The following DOCK1 variants were observed in gnomAD, a reference collection of about 807,000 sequenced individuals.
DOCK1 encodes the protein dedicator of cytokinesis protein 1.
Under a neutral mutation model 262.7 loss-of-function variants are expected in DOCK1, and 138 were observed. That is an observed-to-expected ratio of 0.53 (90% CI 0.46 to 0.61). The LOEUF is 0.61. DOCK1 is among the 20% of genes least tolerant of loss of function. The pLI, the probability that DOCK1 is intolerant of heterozygous loss-of-function variation, is 0.00. For missense variants in DOCK1, 1,908 were observed against 2,370.7 expected (o/e 0.80, Z 4.05); for synonymous variants, 866 against 867.4 (o/e 1.00, Z 0.03).
intron 27 of DOCK1, among the ~76,000 whole-genome samples, chr10:127,141,871 A>G (rs1170071454): frequency 3.9e-5 from 6 of 152,156 alleles, no homozygotes; most frequent in African/African-American, 1.2e-4. Flanking sequence ...GCCTGGTTCT[A>G]TTCTATCAGA....
At chr10:127,331,427 G>A (rs755240191) in intron 29 of DOCK1, among the ~76,000 whole-genome samples, 6 of 152,194 alleles carry the variant, frequency 3.9e-5, no homozygotes, top group South Asian at 4.2e-4. Context: ...GATTACAGAC[G>A]CCTGCCACCA....
At chr10:127,377,579 A>G (rs966852536) in intron 35 of DOCK1, among the ~76,000 whole-genome samples, 8 of 152,162 alleles carry the variant, frequency 5.3e-5, no homozygotes, top group East Asian at 1.9e-4. Context: ...AGGCTCCTTC[A>G]TGTCCTATTT....
Position 127,290,279 on chromosome 10 carries a change from G to A in DOCK1, c.3044+32850G>A, listed in dbSNP as rs193288429. 7.9e-5 allele frequency among the ~76,000 whole-genome samples: 12 copies of A among 152,144 alleles called. No individual in the cohort carries two copies. In the East Asian group the frequency reaches 1.9e-3, roughly 25 times the overall value. On this transcript the variant is annotated intron_variant, in intron 29 of 51. Transcript: ENST00000623213. ...CGATGATGTTATCTTACTCCAGATA[G>A]TGTTTATTTTTTTCCATAATTTCCT...
chr10:126,948,116 A>T (rs1313229263), intron 1 of DOCK1, among the ~76,000 whole-genome samples: 141 of 21,896 alleles, frequency 6.4e-3, no homozygotes, highest in East Asian at 0.024. Flanking sequence ...GTTGGTGGTG[A>T]TGGTGGTGGT....
At chr10:127,354,123 G>A (rs958542893) in intron 31 of DOCK1, among the ~76,000 whole-genome samples, 11 of 152,162 alleles carry the variant, frequency 7.2e-5, no homozygotes, top group East Asian at 5.8e-4. Flanking sequence ...TGCACCCATC[G>A]AGAGGAAAAT....
intron 29 of DOCK1, among the ~76,000 whole-genome samples, chr10:127,287,033 G>A (rs1259271585): frequency 6.6e-6 from 1 of 151,608 alleles, no homozygotes; most frequent in Non-Finnish European, 1.5e-5. Flanking sequence ...TCAGCCTCCT[G>A]AGTGGCTGGG....
rs2135076601 is a variant in DOCK1, at chr10:126,995,441, C to T, written c.474-1307C>T. ...ATCACTCACGGTCAGGAGCTGGAGA[C>T]CAGCCGGGCCAACCCGGTGAAACCC... On this transcript the variant is annotated intron_variant, in intron 6 of 51. Transcript: ENST00000623213. The surrounding 1 kb of genome is among the most constrained non-coding windows in gnomAD (Gnocchi z 5.8). Among the ~76,000 whole-genome samples, 1 of 152,314 alleles carries T rather than the reference C, an allele frequency of 6.6e-6. No homozygotes were observed. Among genetic ancestry groups the T allele is most frequent in the East Asian group, 1.9e-4 (1 of 5,164 alleles).
chr10:127,134,412 C>T (rs2050520808), intron 27 of DOCK1, among the ~76,000 whole-genome samples: 1 of 152,196 alleles, frequency 6.6e-6, no homozygotes, highest in Non-Finnish European at 1.5e-5. Flanking sequence ...ATGCTGCCAA[C>T]TGCCTAAGTT....
Position 127,125,420 on chromosome 10 carries a change from C to T in DOCK1, c.2624-54C>T, listed in dbSNP as rs113697837. On this transcript the variant is annotated intron_variant, in intron 25 of 51. Transcript: ENST00000623213. The stretch of plus-strand genomic sequence containing the variant: ...AGGGCAGACAAGCTTATAGCAAACA[C>T]GAGTTGCGTCTTGGTGGGTTTCACA... 8.0e-5 allele frequency: 128 copies of T among 1,604,222 alleles called. 4 individuals carry two copies. Among genetic ancestry groups the T allele is most frequent in the African/African-American group, 2.9e-4 (22 of 74,640 alleles).
At chr10:127,070,269 T>TG (rs1300381387) in intron 23 of DOCK1, among the ~76,000 whole-genome samples, 177 of 147,288 alleles carry the variant, frequency 1.2e-3, no homozygotes, top group Middle Eastern at 3.4e-3. Context: ...TTTTTTTTTT[T>TG]TTGAGATGGA....
rs2048186073 is a variant in DOCK1, at chr10:127,100,620, G to A, written c.2446-5611G>A. Among the ~76,000 whole-genome samples the A allele has an allele frequency of 6.6e-6, 1 of 152,102 alleles. No individual in the cohort carries two copies. Among genetic ancestry groups the A allele is most frequent in the Admixed American group, 6.5e-5 (1 of 15,274 alleles). ...TGAGGTCCCTTGTGGGATATGTGGA[G>A]GGACCCCGAGGAACCCACAGGCAAG... is the stretch of plus-strand genomic sequence containing the variant. On this transcript the variant is annotated intron_variant, in intron 23 of 51. Coordinates refer to ENST00000623213, the MANE Select transcript of DOCK1 (RefSeq NM_001290223.2). This position sits in a 1 kb window ranked among gnomAD's most constrained non-coding sequence, Gnocchi z 5.5.
At chr10:126,992,124 T>A (rs1254923194) in intron 6 of DOCK1, among the ~76,000 whole-genome samples, 1 of 152,016 alleles carries the variant, frequency 6.6e-6, no homozygotes. Context: ...TAGGAGAGAT[T>A]TTTATTTTTT....
chr10:127,279,610 A>G (rs2060869902), intron 29 of DOCK1, among the ~76,000 whole-genome samples: 1 of 152,208 alleles, frequency 6.6e-6, no homozygotes, highest in Non-Finnish European at 1.5e-5. Context: ...AAATTCAAAT[A>G]AAGAAACATG....
chr10:127,324,173 C>T (rs1163727637), intron 29 of DOCK1, among the ~76,000 whole-genome samples: 2 of 152,204 alleles, frequency 1.3e-5, no homozygotes, highest in Non-Finnish European at 2.9e-5. Context: ...CTTCTGATGT[C>T]TTCCACCCTG....
intron 46 of DOCK1, among the ~76,000 whole-genome samples, chr10:127,422,332 A>G (rs903750040): frequency 1.3e-5 from 2 of 151,246 alleles, no homozygotes; most frequent in East Asian, 3.9e-4. Context: ...ACACCTGGCT[A>G]ATTTTTGTAT....
At chr10:127,361,170 C>T (rs564861316) in intron 32 of DOCK1, among the ~76,000 whole-genome samples, 5 of 134,348 alleles carry the variant, frequency 3.7e-5, no homozygotes, top group African/African-American at 1.4e-4. Context: ...CTGGAGTGCA[C>T]TGGCGTGATC....
intron 23 of DOCK1, among the ~76,000 whole-genome samples, chr10:127,064,604 C>A (rs1474085548): frequency 6.6e-6 from 1 of 152,212 alleles, no homozygotes; most frequent in Non-Finnish European, 1.5e-5. Flanking sequence ...CCTGCCTTCA[C>A]TCCCCTTCCC....
intron 6 of DOCK1, among the ~76,000 whole-genome samples, chr10:126,994,468 C>T (rs1182413969): frequency 2.0e-5 from 3 of 152,126 alleles, no homozygotes; most frequent in African/African-American, 2.4e-5. Flanking sequence ...GACCCTGCGG[C>T]CTTCCGCAGT....
At chr10:127,424,799 G>A (rs1189182948) in intron 46 of DOCK1, among the ~76,000 whole-genome samples, 3 of 152,202 alleles carry the variant, frequency 2.0e-5, no homozygotes, top group Non-Finnish European at 4.4e-5. Context: ...GGCCTGACAT[G>A]TGCCTAGGGT....
Sources: allele counts gnomAD v4.1 joint callset (sites outside exome capture counted in the v4.1 genomes callset), GRCh38; gene constraint gnomAD v4.1.1; non-coding constraint Gnocchi (gnomAD v3.1); transcripts MANE v1.5; gene names NCBI Gene and HGNC (gene_info 2026-07-23, HGNC 2026-07-21).